AK4: variants seen among roughly 807,000 people sequenced by gnomAD.
The protein encoded by AK4 is adenylate kinase 4, mitochondrial.
AK4 carries 13 observed loss-of-function variants against 24.6 expected under a neutral mutation model. The observed-to-expected ratio is 0.53, with a 90% CI of 0.34 to 0.84. The LOEUF is 0.84. Ranked by LOEUF, AK4 falls within the 40% of genes least tolerant of loss-of-function variation. The pLI is 0.01. For missense variants in AK4, 192 were observed against 288.2 expected, an observed-to-expected ratio of 0.67 and a Z score of 2.42; for synonymous variants, 88 against 107.0, an observed-to-expected ratio of 0.82 and a Z score of 1.10.
At chr1:65,150,102 A>T (rs955397872) in intron 1 of AK4, among the ~76,000 whole-genome samples, 7 of 152,080 alleles carry the variant, frequency 4.6e-5, no homozygotes, top group Non-Finnish European at 1.0e-4. Context: ...TCTGTACCTT[A>T]CTTGGTGACT....
At chr1:65,177,825 T>C (rs1457338740) in intron 1 of AK4, among the ~76,000 whole-genome samples, 1 of 152,138 alleles carries the variant, frequency 6.6e-6, no homozygotes, top group Non-Finnish European at 1.5e-5. Context: ...AAGGGCAACA[T>C]GCACCAAATG....
intron 2 of AK4, among the ~76,000 whole-genome samples, chr1:65,193,430 G>A (rs1025077828): frequency 1.3e-5 from 2 of 152,182 alleles, no homozygotes; most frequent in African/African-American, 4.8e-5. Flanking sequence ...TTGATTGATA[G>A]CACCTGGCTT....
chr1:65,199,806 G>A (rs952883844), intron 2 of AK4, among the ~76,000 whole-genome samples: 7 of 151,800 alleles, frequency 4.6e-5, no homozygotes, highest in South Asian at 2.1e-4. Flanking sequence ...TTACTGGTTG[G>A]GTATCTCTAA....
At chr1:65,194,724 A>T (rs1651416373) in intron 2 of AK4, among the ~76,000 whole-genome samples, 1 of 152,188 alleles carries the variant, frequency 6.6e-6, no homozygotes, top group Non-Finnish European at 1.5e-5. Context: ...GGCCTCCCAA[A>T]GTGTTGGGAT....
intron 1 of AK4, among the ~76,000 whole-genome samples, chr1:65,180,143 T>C (rs1650850956): frequency 1.3e-5 from 2 of 152,078 alleles, no homozygotes; most frequent in Admixed American, 1.3e-4. Context: ...TGACCAATTA[T>C]ACTGGATTCA....
intron 2 of AK4, among the ~76,000 whole-genome samples, chr1:65,200,315 C>T (rs545607039): frequency 6.6e-6 from 1 of 152,076 alleles, no homozygotes; most frequent in African/African-American, 2.4e-5. Flanking sequence ...GGGTTTCACT[C>T]TGTTGGCCAG....
Position 65,226,449 on chromosome 1 carries a change from A to T in AK4, c.*272A>T. The T allele has an allele frequency of 3.2e-6, 1 of 316,586 alleles. No individual in the cohort carries two copies. The highest frequency in any genetic ancestry group is 5.8e-6 in the Non-Finnish European group (1 of 172,142). The allele number at this position is 316,586 out of a possible 1,614,324, so 19.6% of individuals were successfully genotyped here. On this transcript the variant is annotated 3_prime_UTR_variant, in exon 5 of 5. Coordinates refer to ENST00000327299, the MANE Select transcript of AK4 (RefSeq NM_013410.4). ...AAAGCAAGTACAGTGTGGATTTCAA[A>T]TGGTGTGTAACTTCAGCTCCAGCTG...
chr1:65,149,768 C>T (rs1557432938), intron 1 of AK4, among the ~76,000 whole-genome samples: 2 of 152,208 alleles, frequency 1.3e-5, no homozygotes, highest in African/African-American at 4.8e-5. Context: ...ACTCTTCCCC[C>T]ACCCCCATGT....
At chr1:65,185,095 GA>G (rs1651052649) in intron 1 of AK4, among the ~76,000 whole-genome samples, 1 of 152,194 alleles carries the variant, frequency 6.6e-6, no homozygotes, top group African/African-American at 2.4e-5. Flanking sequence ...AGGGGCACAT[GA>G]AGGTCTTCCT....
At chr1:65,158,968 G>A (rs1650067094) in intron 1 of AK4, among the ~76,000 whole-genome samples, 1 of 152,290 alleles carries the variant, frequency 6.6e-6, no homozygotes, top group East Asian at 1.9e-4. Flanking sequence ...GAATTTAAAT[G>A]GCTGATGTTA....
rs569702299 is a variant in AK4 at position 65,228,462 on chromosome 1, G to A, written c.*2285G>A. On this transcript the variant is annotated 3_prime_UTR_variant, in exon 5 of 5. Coordinates refer to ENST00000327299, the MANE Select transcript of AK4 (RefSeq NM_013410.4). Reference sequence around the variant, plus strand: ...GTCACTCAATAAGTCTCAACAGTGGGTGTGTTTGCTGAGATTGTCCAGCGG... The same window carrying A: ...GTCACTCAATAAGTCTCAACAGTGGATGTGTTTGCTGAGATTGTCCAGCGG... 4 of 152,102 alleles carry A rather than the reference G, an allele frequency of 2.6e-5. No homozygotes were observed. The highest frequency in any genetic ancestry group is 7.2e-5 in the African/African-American group (3 of 41,408). The allele number at this position is 152,102 out of a possible 1,614,324, so 9.4% of individuals were successfully genotyped here. A position where few individuals can be genotyped will look rare whatever the true frequency, so the allele number is the denominator to read the frequency against.
At chr1:65,183,719 T>G (rs929744145) in intron 1 of AK4, among the ~76,000 whole-genome samples, 1 of 151,920 alleles carries the variant, frequency 6.6e-6, no homozygotes, top group East Asian at 1.9e-4. Context: ...GTTCTCATGG[T>G]TTTTCTAAAG....
chr1:65,203,809 GA>G lies in AK4; in HGVS notation c.265+12990del, dbSNP rs922322522. Among the ~76,000 whole-genome samples the G allele has an allele frequency of 5.2e-4, 77 of 147,320 alleles. No homozygotes were observed. The East Asian group carries it at 6.0e-3, about 11-fold the overall frequency. ...AATGAGAGTGAAATTCCATCTCAAA[GA>G]AAAAAAAAATCACCCCTCCTCCATT... On this transcript the variant is annotated intron_variant, in intron 2 of 4. Transcript: ENST00000327299.
intron 1 of AK4, among the ~76,000 whole-genome samples, chr1:65,167,457 T>C (rs968498446): frequency 5.3e-5 from 8 of 149,700 alleles, no homozygotes; most frequent in Non-Finnish European, 1.0e-4. Context: ...AAAAGGGAGA[T>C]AGATTTTTTT....
At chr1:65,170,855 A>G (rs1328951664) in intron 1 of AK4, among the ~76,000 whole-genome samples, 1 of 152,042 alleles carries the variant, frequency 6.6e-6, no homozygotes, top group Non-Finnish European at 1.5e-5. Flanking sequence ...TTCAAGTGTT[A>G]CGCAAGGCAA....
At chr1:65,166,332 G>GTGTA (rs1299899079) in intron 1 of AK4, among the ~76,000 whole-genome samples, 1 of 151,672 alleles carries the variant, frequency 6.6e-6, no homozygotes, top group Non-Finnish European at 1.5e-5. Context: ...GTGTGTGTGT[G>GTGTA]TGTGTGTGTG....
intron 1 of AK4, among the ~76,000 whole-genome samples, chr1:65,154,809 G>C (rs1649922572): frequency 6.6e-6 from 1 of 151,816 alleles, no homozygotes; most frequent in Non-Finnish European, 1.5e-5. Context: ...AGGTTTCTAG[G>C]AATGAAACTA....
intron 1 of AK4, among the ~76,000 whole-genome samples, chr1:65,163,137 T>C (rs1322304722): frequency 6.6e-6 from 1 of 152,212 alleles, no homozygotes. Flanking sequence ...AGGATAGCAA[T>C]ACAGGTTCAT....
chr1:65,170,944 T>G (rs916867969), intron 1 of AK4, among the ~76,000 whole-genome samples: 2 of 149,338 alleles, frequency 1.3e-5, no homozygotes, highest in Admixed American at 6.8e-5. Flanking sequence ...TGGTTTGTCT[T>G]GTCTTCTTCC....
Sources: allele counts gnomAD v4.1 joint callset (sites outside exome capture counted in the v4.1 genomes callset), GRCh38; gene constraint gnomAD v4.1.1; transcripts MANE v1.5; gene names NCBI Gene and HGNC (gene_info 2026-07-23, HGNC 2026-07-21).